GRIK1: variants seen among roughly 807,000 people sequenced by gnomAD.
GRIK1 encodes glutamate receptor ionotropic, kainate 1.
In GRIK1, 69 loss-of-function variants were observed where a neutral mutation model predicts 105.7. The observed-to-expected ratio is 0.65, with a 90% CI of 0.54 to 0.80. The LOEUF is 0.80. GRIK1 is among the 30% of genes least tolerant of loss of function. GRIK1 has a pLI of 0.00. For missense variants in GRIK1, 1,109 were observed against 1,167.3 expected, an observed-to-expected ratio of 0.95 and a Z score of 0.73; for synonymous variants, 438 against 431.3, an observed-to-expected ratio of 1.02 and a Z score of -0.19.
intron 1 of GRIK1, among the ~76,000 whole-genome samples, chr21:29,775,862 T>C (rs1222921119): frequency 6.6e-6 from 1 of 152,206 alleles, no homozygotes; most frequent in Non-Finnish European, 1.5e-5. Context: ...TTTAGTAGTT[T>C]TATACTTACT....
At position 29,868,674 on chromosome 21, in the gene GRIK1, C is replaced by T. The variant is rs557458949; in HGVS notation, c.118+70709G>A. ...TTTCCTGCCTGGTCCTCCTCATCTT[C>T]GCCTGTCTTTCTTTTTTCTTCACTT... On this transcript the variant is annotated intron_variant, in intron 1 of 17. Coordinates refer to ENST00000327783, the MANE Select transcript of GRIK1 (RefSeq NM_001330994.2). Among the ~76,000 whole-genome samples, 7 of 152,242 alleles carry T rather than the reference C, an allele frequency of 4.6e-5. No homozygotes were observed. In the East Asian group the frequency reaches 9.6e-4, roughly 21 times the overall value.
At chr21:29,831,451 T>C (rs867290232) in intron 1 of GRIK1, among the ~76,000 whole-genome samples, 9 of 152,154 alleles carry the variant, frequency 5.9e-5, no homozygotes, top group Non-Finnish European at 1.5e-5. Flanking sequence ...GACTGGGTAA[T>C]TTATAAAGAA....
Position 29,766,337 on chromosome 21 carries a change from G to A in GRIK1, c.119-72274C>T, listed in dbSNP as rs138678234. ...ATCTGAAGACATTTTTGATTGTTAC[G>A]ATTGAGTAGGTGCTACTGGCTTCCA... On this transcript the variant is annotated intron_variant, in intron 1 of 17. Transcript: ENST00000327783. Among the ~76,000 whole-genome samples, 12 of 152,246 alleles carry A rather than the reference G, an allele frequency of 7.9e-5. No homozygotes were observed. The East Asian group carries it at 1.7e-3, about 22-fold the overall frequency.
intron 14 of GRIK1, among the ~76,000 whole-genome samples, chr21:29,576,236 A>G (rs1209501454): frequency 6.6e-6 from 1 of 152,208 alleles, no homozygotes; most frequent in Admixed American, 6.5e-5. Flanking sequence ...TTGATAATAA[A>G]AGTACTAAGG....
chr21:29,656,316 G>T (rs1213122856), intron 4 of GRIK1, among the ~76,000 whole-genome samples: 1 of 124,836 alleles, frequency 8.0e-6, no homozygotes, highest in Non-Finnish European at 1.6e-5. Flanking sequence ...AGCCAAGATC[G>T]CGCCACTGCA....
intron 1 of GRIK1, among the ~76,000 whole-genome samples, chr21:29,872,190 TTC>T (rs1232076711): frequency 7.5e-6 from 1 of 133,156 alleles, no homozygotes; most frequent in Non-Finnish European, 1.6e-5. Context: ...ACGCTCTCAC[TTC>T]TTTTTTTTTT....
chr21:29,857,963 G>A lies in GRIK1; in HGVS notation c.118+81420C>T, dbSNP rs143023303. Among the ~76,000 whole-genome samples, 419 of 152,182 alleles carry A rather than the reference G, an allele frequency of 2.8e-3. 1 individual carries two copies. The highest frequency in any genetic ancestry group is 9.5e-3 in the African/African-American group (396 of 41,518). Reference sequence around the variant, plus strand: ...TGCCCAGTCTGGAGTGCGGTGTCACGATCTTGGCTCACTGCAGCATCCGCC... The same window carrying A: ...TGCCCAGTCTGGAGTGCGGTGTCACAATCTTGGCTCACTGCAGCATCCGCC... On this transcript the variant is annotated intron_variant, in intron 1 of 17. Transcript: ENST00000327783.
intron 13 of GRIK1, among the ~76,000 whole-genome samples, chr21:29,579,522 A>G (rs1330543025): frequency 6.6e-6 from 1 of 152,206 alleles, no homozygotes; most frequent in Admixed American, 6.5e-5. Flanking sequence ...GAAAAGAGAA[A>G]GTCTGATCAT....
intron 9 of GRIK1, 56 bp from the exon 10 acceptor site, chr21:29,591,281 A>G: frequency 1.0e-6 from 1 of 984,424 alleles, no homozygotes; most frequent in Non-Finnish European, 1.7e-6. Flanking sequence ...CATTTACACC[A>G]AAGAGAGGCC....
chr21:29,686,670 A>G (rs2063492098), intron 3 of GRIK1, among the ~76,000 whole-genome samples: 1 of 152,216 alleles, frequency 6.6e-6, no homozygotes, highest in South Asian at 2.1e-4. Context: ...CTACTTTGTC[A>G]GAGTGGAGTG....
chr21:29,902,502 AACAG>A lies in GRIK1; in HGVS notation c.118+36877_118+36880del, dbSNP rs967506187. ...ATCACAAGCATTCTTATACACCAAT[AACAG>A]ACAGAGAGCCAAATCATGAGTGAAC... On this transcript the variant is annotated intron_variant, in intron 1 of 17. Coordinates refer to ENST00000327783, the MANE Select transcript of GRIK1 (RefSeq NM_001330994.2). Among the ~76,000 whole-genome samples the A allele has an allele frequency of 9.2e-5, 14 of 152,208 alleles. 1 individual carries two copies. In the South Asian group the frequency reaches 1.9e-3, roughly 20 times the overall value.
At chr21:29,796,528 G>A (rs2066560314) in intron 1 of GRIK1, among the ~76,000 whole-genome samples, 1 of 151,854 alleles carries the variant, frequency 6.6e-6, no homozygotes, top group South Asian at 2.1e-4. Context: ...TATTATGTAA[G>A]CTATTTTGTA....
At chr21:29,659,473 A>AATTCC (rs2062919004) in intron 4 of GRIK1, among the ~76,000 whole-genome samples, 1 of 152,220 alleles carries the variant, frequency 6.6e-6, no homozygotes, top group Non-Finnish European at 1.5e-5. Context: ...ATACTTATGA[A>AATTCC]ATTCCATTCC....
At chr21:29,882,658 C>T (rs2252974) in intron 1 of GRIK1, among the ~76,000 whole-genome samples, 21,701 of 152,054 alleles carry the variant, frequency 0.14, 1,662 homozygotes, top group Non-Finnish European at 0.18. Flanking sequence ...TTCACAGAAC[C>T]GAAATGAGGG....
intron 1 of GRIK1, among the ~76,000 whole-genome samples, chr21:29,821,782 A>G (rs550625100): frequency 1.2e-4 from 19 of 152,186 alleles, no homozygotes; most frequent in African/African-American, 4.6e-4. Flanking sequence ...TTAACTTTTT[A>G]TAATAGATTT....
At chr21:29,722,292 T>A (rs1449168043) in intron 1 of GRIK1, among the ~76,000 whole-genome samples, 2 of 151,980 alleles carry the variant, frequency 1.3e-5, no homozygotes, top group African/African-American at 4.8e-5. Context: ...TCATAAAAAC[T>A]AAAAAATTTA....
rs779696675 is a variant in GRIK1 at position 29,643,615 on chromosome 21, G to A, written c.955-646C>T. On this transcript the variant is annotated intron_variant, in intron 6 of 17. Coordinates refer to ENST00000327783, the MANE Select transcript of GRIK1 (RefSeq NM_001330994.2). Reference sequence around the variant, plus strand: ...TTCTTGAGAGAGATTGAAACAAGTCGGTCATTCCTTTTAGGGGGTTGGGCA... The same window carrying A: ...TTCTTGAGAGAGATTGAAACAAGTCAGTCATTCCTTTTAGGGGGTTGGGCA... Among the ~76,000 whole-genome samples, 14 of 152,100 alleles carry A rather than the reference G, an allele frequency of 9.2e-5. 1 individual carries two copies. In the South Asian group the frequency reaches 1.7e-3, roughly 18 times the overall value.
intron 1 of GRIK1, among the ~76,000 whole-genome samples, chr21:29,831,115 A>G (rs553494791): frequency 2.6e-5 from 4 of 152,336 alleles, no homozygotes; most frequent in African/African-American, 9.6e-5. Flanking sequence ...AATATTGGAT[A>G]CTGAAGCAGT....
In GRIK1 at chr21:29,731,998, A is replaced by G. The variant is rs540029653; in HGVS notation, c.119-37935T>C. On this transcript the variant is annotated intron_variant, in intron 1 of 17. Coordinates refer to ENST00000327783, the MANE Select transcript of GRIK1 (RefSeq NM_001330994.2). ...TCTCCTTCTTAGTGACTCAAACTAG[A>G]TTGTGTTCATATTTGTTATAATAAG... Among the ~76,000 whole-genome samples the G allele has an allele frequency of 2.0e-5, 3 of 152,280 alleles. No individual in the cohort carries two copies. The South Asian group carries it at 6.2e-4, about 32-fold the overall frequency.
Sources: gnomAD v4.1 joint callset for allele counts (sites outside exome capture counted in the v4.1 genomes callset) on GRCh38, gnomAD v4.1.1 for gene constraint, MANE v1.5 for transcripts, NCBI Gene and HGNC (gene_info 2026-07-23, HGNC 2026-07-21) for gene names.